WASF3: variants seen among roughly 807,000 people sequenced by gnomAD.
The protein encoded by WASF3 is actin-binding protein WASF3.
WASF3 carries 11 observed loss-of-function variants against 46.6 expected under a neutral mutation model. That is an observed-to-expected ratio of 0.24 (90% CI 0.15 to 0.39). WASF3 has a LOEUF of 0.39. Among genes scored for constraint, WASF3 ranks in the 10% least tolerant of loss-of-function variants. WASF3 has a pLI of 1.00. For missense variants in WASF3, 576 were observed against 669.8 expected, an observed-to-expected ratio of 0.86 and a Z score of 1.55; for synonymous variants, 242 against 259.7, an observed-to-expected ratio of 0.93 and a Z score of 0.65.
At chr13:26,575,459 T>G (rs1010331385) in intron 1 of WASF3, among the ~76,000 whole-genome samples, 1 of 152,224 alleles carries the variant, frequency 6.6e-6, no homozygotes, top group African/African-American at 2.4e-5. Flanking sequence ...GCCCGGATGT[T>G]CCATTGAATG....
chr13:26,608,738 G>A (rs1485609014), intron 1 of WASF3, among the ~76,000 whole-genome samples: 1 of 152,122 alleles, frequency 6.6e-6, no homozygotes, highest in African/African-American at 2.4e-5. Context: ...CAAGAAAGAG[G>A]AGAAACACAA....
intron 9 of WASF3, among the ~76,000 whole-genome samples, chr13:26,684,999 G>A (rs993893157): frequency 5.9e-5 from 9 of 151,400 alleles, no homozygotes; most frequent in Non-Finnish European, 8.8e-5. Flanking sequence ...GAGGTGGGAG[G>A]ATTGCTTGAG....
At position 26,681,170 on chromosome 13, in the gene WASF3, C is replaced by G; in HGVS notation, c.833C>G (p.Ala278Gly). The stretch of plus-strand genomic sequence containing the variant: ...GGTGACGTGCCACCACACGGGCCTG[C>G]AAGCCAGGCTGCGGAGCATGAGTAC... ...AAGDVPPHGP[A>G]SQAAEHEYRP... Residue 278 changes from alanine (A) to glycine (G), a missense_variant, in exon 8 of 10, where the codon GCA (alanine) becomes GGA (glycine). Ala to Gly is a moderately conservative substitution (Grantham distance 60). Transcript: ENST00000335327. 6.2e-7 allele frequency: 1 copy of G among 1,614,194 alleles called. No homozygotes were observed. Among genetic ancestry groups the G allele is most frequent in the Non-Finnish European group, 8.5e-7 (1 of 1,180,018 alleles).
At chr13:26,650,431 C>G (rs1160157420) in intron 3 of WASF3, among the ~76,000 whole-genome samples, 1 of 152,024 alleles carries the variant, frequency 6.6e-6, no homozygotes, top group Non-Finnish European at 1.5e-5. Flanking sequence ...TACTAAAAGG[C>G]AAAAAACACA....
chr13:26,588,320 G>A (rs565292445), intron 1 of WASF3, among the ~76,000 whole-genome samples: 19 of 152,288 alleles, frequency 1.2e-4, no homozygotes, highest in Admixed American at 5.2e-4. Flanking sequence ...AATAGAGGCA[G>A]CATAACTTAA....
At chr13:26,568,220 A>G (rs1391832228) in intron 1 of WASF3, among the ~76,000 whole-genome samples, 2 of 152,114 alleles carry the variant, frequency 1.3e-5, no homozygotes, top group African/African-American at 4.8e-5. Flanking sequence ...TTGTAAGAGG[A>G]TCACTAGGAC....
At chr13:26,578,230 A>G (rs1188403460) in intron 1 of WASF3, among the ~76,000 whole-genome samples, 1 of 152,168 alleles carries the variant, frequency 6.6e-6, no homozygotes, top group Non-Finnish European at 1.5e-5. Context: ...GGGGGAAAGC[A>G]TTCAGTCCTT....
chr13:26,617,955 T>C (rs1881185704), intron 2 of WASF3, among the ~76,000 whole-genome samples: 1 of 152,188 alleles, frequency 6.6e-6, no homozygotes, highest in African/African-American at 2.4e-5. Context: ...GGTGCCTTGC[T>C]TCCCCTTTGC....
chr13:26,573,349 T>C (rs906639501), intron 1 of WASF3, among the ~76,000 whole-genome samples: 15 of 152,144 alleles, frequency 9.9e-5, no homozygotes, highest in Admixed American at 9.2e-4. Context: ...ACTTAGATTG[T>C]GCTTTATTTC....
chr13:26,627,882 A>G (rs1881518124), intron 2 of WASF3, among the ~76,000 whole-genome samples: 2 of 76,592 alleles, frequency 2.6e-5, no homozygotes, highest in Admixed American at 3.5e-4. Context: ...AACTTAAAGT[A>G]TAATAATAAA....
At chr13:26,636,491 T>A (rs1274666299) in intron 2 of WASF3, among the ~76,000 whole-genome samples, 1 of 152,220 alleles carries the variant, frequency 6.6e-6, no homozygotes, top group Non-Finnish European at 1.5e-5. Flanking sequence ...CCCGCCCTGC[T>A]TTGGCTCGCC....
chr13:26,571,562 C>G (rs1276789794), intron 1 of WASF3, among the ~76,000 whole-genome samples: 3 of 152,158 alleles, frequency 2.0e-5, no homozygotes, highest in African/African-American at 7.2e-5. Flanking sequence ...GTAGCTGGGT[C>G]TATTTTTGGG....
At chr13:26,659,401 G>A (rs1329202524) in intron 3 of WASF3, among the ~76,000 whole-genome samples, 2 of 152,192 alleles carry the variant, frequency 1.3e-5, no homozygotes, top group Admixed American at 6.5e-5. Flanking sequence ...AAAGGTGAAC[G>A]GAGCTAGGTC....
At chr13:26,672,113 A>G in intron 6 of WASF3, 124 bp downstream of exon 6, 1 of 720,362 alleles carries the variant, frequency 1.4e-6, no homozygotes, top group East Asian at 2.8e-5. Context: ...TAGAGGTTGC[A>G]TTTCTCACAA....
At chr13:26,644,433 G>T (rs992588922) in intron 3 of WASF3, among the ~76,000 whole-genome samples, 6 of 152,204 alleles carry the variant, frequency 3.9e-5, no homozygotes, top group Admixed American at 3.9e-4. Context: ...TTGGGCCGGG[G>T]CTGGGAACCT....
the WASF3 span, among the ~76,000 whole-genome samples, chr13:26,550,364 C>T: frequency 3.9e-5 from 6 of 152,088 alleles, no homozygotes; most frequent in African/African-American, 1.4e-4. Context: ...TAAAGTCTGG[C>T]TTAAAATAAA....
upstream of WASF3, among the ~76,000 whole-genome samples, chr13:26,556,802 A>C (rs904552001): frequency 2.0e-5 from 3 of 152,248 alleles, no homozygotes; most frequent in Non-Finnish European, 4.4e-5. Flanking sequence ...TTAGAATTTA[A>C]AATTTTTTCC....
chr13:26,676,746 C>G, intron 7 of WASF3, 22 bp downstream of exon 7: 1 of 1,599,498 alleles, frequency 6.3e-7, no homozygotes, highest in Non-Finnish European at 8.5e-7. Flanking sequence ...TCACTGCTCC[C>G]TCAGCCCTGA....
At chr13:26,576,948 G>A in intron 1 of WASF3, 1 of 751,776 alleles carries the variant, frequency 1.3e-6, no homozygotes, top group South Asian at 1.4e-5. Context: ...AGAAGAAAGT[G>A]GTTGATCCAT....
Sources: gnomAD v4.1 joint callset for allele counts (sites outside exome capture counted in the v4.1 genomes callset) on GRCh38, gnomAD v4.1.1 for gene constraint, MANE v1.5 for transcripts, NCBI Gene and HGNC (gene_info 2026-07-23, HGNC 2026-07-21) for gene names.